Variants in DCLK1 observed in about 807,000 individuals in gnomAD.
DCLK1 encodes doublecortin like kinase 1, also known as serine/threonine-protein kinase DCLK1.
In DCLK1, 16 loss-of-function variants were observed where a neutral mutation model predicts 86.2. The ratio of observed to expected loss-of-function variants is 0.19; its 90% confidence interval spans 0.13 to 0.28. The LOEUF (loss-of-function observed/expected upper bound fraction) is 0.28, where lower values mean the gene tolerates loss of function less well. DCLK1 is among the 10% of genes least tolerant of loss of function. The pLI is 1.00. For synonymous variants in DCLK1, 369 were observed against 370.5 expected (o/e 1.00, Z 0.05); for missense variants, 590 against 940.2 (o/e 0.63, Z 4.87).
At chr13:35,789,368 T>C (rs970120648) in intron 16 of DCLK1, among the ~76,000 whole-genome samples, 11 of 152,218 alleles carry the variant, frequency 7.2e-5, no homozygotes, top group African/African-American at 2.7e-4. Context: ...CAAGTGTGCA[T>C]AAAATGCAAT....
intron 4 of DCLK1, among the ~76,000 whole-genome samples, chr13:35,931,418 G>C (rs1876424143): frequency 6.6e-6 from 1 of 152,214 alleles, no homozygotes; most frequent in Non-Finnish European, 1.5e-5. Context: ...CATCACGTCA[G>C]AAAGCCCCAG....
At chr13:36,029,203 C>T (rs575172488) in intron 3 of DCLK1, among the ~76,000 whole-genome samples, 1 of 152,322 alleles carries the variant, frequency 6.6e-6, no homozygotes, top group Non-Finnish European at 1.5e-5. Flanking sequence ...CCTACTCTTT[C>T]TTCAGTCCTC....
chr13:35,855,711 C>G, intron 5 of DCLK1: 1 of 1,384,978 alleles, frequency 7.2e-7, no homozygotes, highest in Non-Finnish European at 9.4e-7. Context: ...AAGCTGACGT[C>G]TCCCAAGCAG....
intron 4 of DCLK1, among the ~76,000 whole-genome samples, chr13:35,896,681 A>G (rs1225543465): frequency 6.6e-6 from 1 of 151,952 alleles, no homozygotes; most frequent in Non-Finnish European, 1.5e-5. Context: ...CAGAGAAATC[A>G]TTCCCTCGTG....
At position 36,067,122 on chromosome 13, in the gene DCLK1, G is replaced by A. The variant is rs9593738; in HGVS notation, c.723+44747C>T. Among the ~76,000 whole-genome samples, 199 of 129,096 alleles carry A rather than the reference G, an allele frequency of 1.5e-3. 1 individual carries two copies. The highest frequency in any genetic ancestry group is 5.4e-3 in the African/African-American group (183 of 34,126). The allele number at this position is 129,096 out of a possible 152,430, so 84.7% of individuals were successfully genotyped here. On this transcript the variant is annotated intron_variant, in intron 3 of 16. Coordinates refer to ENST00000360631, the MANE Select transcript of DCLK1 (RefSeq NM_001330071.2). ...ACACATGCACACGTATGTTTATTGC[G>A]GCATTATTCACAATAGCAAAGACTT...
At chr13:35,881,338 A>C (rs1324049785) in intron 4 of DCLK1, among the ~76,000 whole-genome samples, 1 of 152,144 alleles carries the variant, frequency 6.6e-6, no homozygotes. Flanking sequence ...GTGCGCCTCT[A>C]ACCAATCCCG....
In DCLK1 at chr13:36,068,993, TATA is replaced by T. The variant is rs548438094; in HGVS notation, c.723+42873_723+42875del. Among the ~76,000 whole-genome samples the T allele has an allele frequency of 5.3e-5, 8 of 152,368 alleles. 1 individual carries two copies. The highest frequency in any genetic ancestry group is 3.9e-4 in the Admixed American group (6 of 15,306). ...AAAGTTATAGCTTTACATTTAATAATATAATGTCACTTTAGCATAGTCTAACGC... is the reference window on the plus strand; with the variant it reads ...AAAGTTATAGCTTTACATTTAATAATATGTCACTTTAGCATAGTCTAACGC... On this transcript the variant is annotated intron_variant, in intron 3 of 16. Transcript: ENST00000360631.
intron 3 of DCLK1, among the ~76,000 whole-genome samples, chr13:35,972,149 T>C (rs2182443): frequency 0.99 from 151,056 of 152,306 alleles, 74,915 homozygotes; most frequent in Middle Eastern, 1. Flanking sequence ...CTGGTCCTAT[T>C]TACCACCTAG....
Position 36,045,855 on chromosome 13 carries a change from G to GA in DCLK1, c.723+66013dup, listed in dbSNP as rs200260724. Among the ~76,000 whole-genome samples the GA allele has an allele frequency of 4.0e-3, 554 of 136,856 alleles. 2 individuals are homozygous for GA. The highest frequency in any genetic ancestry group is 0.011 in the African/African-American group (406 of 37,448). The allele number at this position is 136,856 out of a possible 152,430, so 89.8% of individuals were successfully genotyped here. A position where few individuals can be genotyped will look rare whatever the true frequency, so the allele number is the denominator to read the frequency against. On this transcript the variant is annotated intron_variant, in intron 3 of 16. Coordinates refer to ENST00000360631, the MANE Select transcript of DCLK1 (RefSeq NM_001330071.2). ...GAGACAGAGCAAGACTCCAAGTCAA[G>GA]AAAAAAAAAAAAAGTTCCTCAGAGC...
At chr13:36,055,768 CTTTTA>C (rs55687759) in intron 3 of DCLK1, among the ~76,000 whole-genome samples, 41,457 of 151,690 alleles carry the variant, frequency 0.27, 6,079 homozygotes, top group East Asian at 0.51. Context: ...AGTAATAGGT[CTTTTA>C]TTTCTATTTT....
At chr13:35,930,903 A>T (rs991287464) in intron 4 of DCLK1, among the ~76,000 whole-genome samples, 2 of 152,190 alleles carry the variant, frequency 1.3e-5, no homozygotes, top group Non-Finnish European at 2.9e-5. Flanking sequence ...GCCTCTTCTC[A>T]TGTCACTCTG....
intron 3 of DCLK1, among the ~76,000 whole-genome samples, chr13:36,088,009 C>G (rs1258251633): frequency 6.6e-6 from 1 of 152,144 alleles, no homozygotes; most frequent in Non-Finnish European, 1.5e-5. Context: ...TTTTTAAAAC[C>G]ATGATGTGGG....
At chr13:36,076,392 TC>T (rs1301414665) in intron 3 of DCLK1, among the ~76,000 whole-genome samples, 2 of 152,172 alleles carry the variant, frequency 1.3e-5, no homozygotes, top group Admixed American at 1.3e-4. Context: ...TAAAAACTGT[TC>T]CTGAAAACTG....
chr13:35,966,416 CA>C (rs1878733449), intron 3 of DCLK1, among the ~76,000 whole-genome samples: 1 of 152,026 alleles, frequency 6.6e-6, no homozygotes, highest in African/African-American at 2.4e-5. Context: ...AATGGATAAA[CA>C]AAATATGACA....
intron 3 of DCLK1, among the ~76,000 whole-genome samples, chr13:36,003,700 A>C (rs1880823232): frequency 1.3e-5 from 2 of 152,358 alleles, no homozygotes; most frequent in East Asian, 1.9e-4. Flanking sequence ...TATATGGATA[A>C]GTCAAAGGTT....
At chr13:35,893,266 C>A (rs1177776742) in intron 4 of DCLK1, among the ~76,000 whole-genome samples, 1 of 152,190 alleles carries the variant, frequency 6.6e-6, no homozygotes, top group Non-Finnish European at 1.5e-5. Flanking sequence ...TGTTGGCTCA[C>A]AACACCATTC....
At chr13:35,932,211 T>G (rs2153129199) in intron 4 of DCLK1, among the ~76,000 whole-genome samples, 1 of 152,284 alleles carries the variant, frequency 6.6e-6, no homozygotes, top group South Asian at 2.1e-4. Context: ...GTCTCACTGC[T>G]TGAGCTGGAA....
intron 8 of DCLK1, among the ~76,000 whole-genome samples, chr13:35,829,372 A>C (rs867539055): frequency 1.3e-4 from 20 of 152,222 alleles, no homozygotes; most frequent in Middle Eastern, 3.2e-3. Flanking sequence ...TCTGGTGTGA[A>C]ATCGGGAGAG....
chr13:36,013,142 A>G (rs1881358151), intron 3 of DCLK1, among the ~76,000 whole-genome samples: 1 of 136,900 alleles, frequency 7.3e-6, no homozygotes, highest in Non-Finnish European at 1.6e-5. Flanking sequence ...AATTTTTTTC[A>G]AAGTTTTCAA....
Sources: gnomAD v4.1 joint callset for allele counts (sites outside exome capture counted in the v4.1 genomes callset) on GRCh38, gnomAD v4.1.1 for gene constraint, MANE v1.5 for transcripts, NCBI Gene and HGNC (gene_info 2026-07-23, HGNC 2026-07-21) for gene names.